STK10: variants seen among roughly 807,000 people sequenced by gnomAD.
STK10 encodes serine/threonine kinase 10, also known as serine/threonine-protein kinase 10.
A neutral mutation model predicts 113.8 loss-of-function variants in STK10; 78 were observed. The ratio of observed to expected loss-of-function variants is 0.69; its 90% confidence interval spans 0.57 to 0.83. The LOEUF (loss-of-function observed/expected upper bound fraction) is 0.83, where lower values mean the gene tolerates loss of function less well. STK10 is among the 40% of genes least tolerant of loss of function. The pLI is 0.00. For synonymous variants in STK10, 465 were observed against 494.7 expected (o/e 0.94, Z 0.80); for missense variants, 1,109 against 1,280.1 (o/e 0.87, Z 2.04).
chr5:172,105,616 C>T lies in STK10; in HGVS notation c.870+40G>A, dbSNP rs778890467. ...AGGTCACTGGTGAGTTCATTAGGCT[C>T]CACCCTTCAGGGAGCAGAGTGGGAG... On this transcript the variant is annotated intron_variant, in intron 7 of 18. Transcript: ENST00000176763. The T allele has an allele frequency of 1.4e-4, 230 of 1,607,630 alleles. No individual in the cohort carries two copies. Among genetic ancestry groups the T allele is most frequent in the Non-Finnish European group, 1.9e-4 (224 of 1,174,930 alleles).
intron 7 of STK10, among the ~76,000 whole-genome samples, chr5:172,103,572 C>A (rs1769039972): frequency 6.6e-6 from 1 of 152,102 alleles, no homozygotes; most frequent in African/African-American, 2.4e-5. Flanking sequence ...GTGACAGCAG[C>A]CCCACTCGAC....
intron 1 of STK10, among the ~76,000 whole-genome samples, chr5:172,174,825 C>T (rs905036499): frequency 1.3e-5 from 2 of 152,136 alleles, no homozygotes; most frequent in Non-Finnish European, 2.9e-5. Context: ...AAAGGAGCTG[C>T]GCTTCCCTCA....
chr5:172,084,488 G>T (rs1195614218), intron 10 of STK10, among the ~76,000 whole-genome samples: 1 of 151,820 alleles, frequency 6.6e-6, no homozygotes, highest in East Asian at 1.9e-4. Flanking sequence ...TTAAAGAATA[G>T]GTCTGTTATG....
chr5:172,081,971 C>A (rs1408307712), intron 12 of STK10, among the ~76,000 whole-genome samples: 2 of 152,196 alleles, frequency 1.3e-5, no homozygotes, highest in South Asian at 2.1e-4. Context: ...CCACCCAGCA[C>A]CCACTCGCCC....
chr5:172,096,696 C>T (rs866590125), intron 7 of STK10, 136 bp from the exon 8 acceptor site: 1 of 1,197,302 alleles, frequency 8.4e-7, no homozygotes, highest in Middle Eastern at 2.2e-4. Flanking sequence ...ACTTGGAGAC[C>T]CAGAGACAGC....
intron 3 of STK10, among the ~76,000 whole-genome samples, chr5:172,122,037 T>C (rs1196427866): frequency 6.6e-6 from 1 of 152,074 alleles, no homozygotes; most frequent in Admixed American, 6.6e-5. Context: ...CTGGCTAATT[T>C]TTGTATTTTT....
Position 172,107,569 on chromosome 5 carries a change from A to G in STK10, c.593+211T>C, listed in dbSNP as rs1293117336. On this transcript the variant is annotated intron_variant, in intron 5 of 18. Coordinates refer to ENST00000176763, the MANE Select transcript of STK10 (RefSeq NM_005990.4). ...ATTTCATTCTCACAGTAGCCTTATT[A>G]AGTAGGGGCCATTATATCCCTAATT... Among the ~76,000 whole-genome samples the G allele has an allele frequency of 2.0e-5, 3 of 152,334 alleles. No individual in the cohort carries two copies. In the South Asian group the frequency reaches 6.2e-4, roughly 32 times the overall value.
chr5:172,068,182 T>C (rs1211228507), intron 12 of STK10, among the ~76,000 whole-genome samples: 2 of 151,728 alleles, frequency 1.3e-5, no homozygotes, highest in Non-Finnish European at 2.9e-5. Context: ...CTACTAAAAA[T>C]ACAAAAAAAT....
At chr5:172,095,409 C>G (rs888585229) in intron 8 of STK10, among the ~76,000 whole-genome samples, 7 of 152,212 alleles carry the variant, frequency 4.6e-5, no homozygotes, top group African/African-American at 1.7e-4. Context: ...CTACCTCCTC[C>G]TGGAGCCAGG....
In STK10 at chr5:172,182,341, C is replaced by G. The variant is rs374012475; in HGVS notation, c.156+5546G>C. Among the ~76,000 whole-genome samples, 1,160 of 140,778 alleles carry G rather than the reference C, an allele frequency of 8.2e-3. 20 individuals carry two copies. The highest frequency in any genetic ancestry group is 0.028 in the African/African-American group (1,085 of 38,732). The allele number at this position is 140,778 out of a possible 152,430, so 92.4% of individuals were successfully genotyped here. ...AAAAAAAAAAAAGGCTTAAAAACAA[C>G]AAAAAATCAAAACCAAAGCAATTTT... On this transcript the variant is annotated intron_variant, in intron 1 of 18. Coordinates refer to ENST00000176763, the MANE Select transcript of STK10 (RefSeq NM_005990.4).
At position 172,082,239 on chromosome 5, in the gene STK10, AAGGTG is replaced by A. The variant is rs1484109770; in HGVS notation, c.1989+82_1989+86del. 7.1e-7 allele frequency: 1 copy of A among 1,404,234 alleles called. No individual in the cohort carries two copies. The highest frequency in any genetic ancestry group is 9.4e-7 in the Non-Finnish European group (1 of 1,067,782). 87.0% of individuals were successfully genotyped at this position (1,404,234 alleles called of 1,614,324 possible). A position where few individuals can be genotyped will look rare whatever the true frequency, so the allele number is the denominator to read the frequency against. ...TCTTCAGCCGTACCCCTCTGCTGCC[AAGGTG>A]AGGTTGAGGCCACGATCACTTGCAA... On this transcript the variant is annotated intron_variant, in intron 12 of 18. Transcript: ENST00000176763. The surrounding 1 kb of genome is among the most constrained non-coding windows in gnomAD (Gnocchi z 4.3).
At chr5:172,101,132 A>G (rs1340927927) in intron 7 of STK10, among the ~76,000 whole-genome samples, 1 of 152,188 alleles carries the variant, frequency 6.6e-6, no homozygotes, top group Non-Finnish European at 1.5e-5. Context: ...TTATAATCGT[A>G]CCTGGCATGA....
At chr5:172,132,465 G>A (rs1043044162) in intron 2 of STK10, among the ~76,000 whole-genome samples, 2 of 151,922 alleles carry the variant, frequency 1.3e-5, no homozygotes, top group African/African-American at 2.4e-5. Flanking sequence ...GTGCCCACCC[G>A]TGATGAAGGT....
chr5:172,063,576 G>A (rs1170225920), intron 13 of STK10: 8 of 152,228 alleles, frequency 5.3e-5, no homozygotes, highest in Non-Finnish European at 1.2e-4. Context: ...GCCTCCTCCA[G>A]GCCAATCTGC....
intron 6 of STK10, 77 bp downstream of exon 6, chr5:172,106,543 C>T: frequency 2.8e-6 from 4 of 1,454,500 alleles, no homozygotes; most frequent in East Asian, 2.5e-5. Flanking sequence ...TGCACCTCCC[C>T]AGCCCCGTCC....
At chr5:172,099,183 C>T (rs1402814375) in intron 7 of STK10, among the ~76,000 whole-genome samples, 1 of 152,164 alleles carries the variant, frequency 6.6e-6, no homozygotes, top group African/African-American at 2.4e-5. Context: ...TCATCACCAT[C>T]ACCATGACCA....
At chr5:172,061,113 C>T in intron 14 of STK10, 26 bp downstream of exon 14, 1 of 1,590,602 alleles carries the variant, frequency 6.3e-7, no homozygotes, top group Non-Finnish European at 8.5e-7. Flanking sequence ...TGGGCCAAGA[C>T]AGCGCTGCCA....
intron 12 of STK10, among the ~76,000 whole-genome samples, chr5:172,073,165 T>A (rs556471150): frequency 2.9e-4 from 44 of 152,116 alleles, no homozygotes; most frequent in African/African-American, 8.4e-4. Context: ...TTATTTATTT[T>A]TTGAGATGAA....
rs77467369 is a variant in STK10, at chr5:172,184,394, A to C, written c.156+3493T>G. ...TTCCTTAGCTGGTGACTAAGGAAAA[A>C]GTGTTCAACTGAAGCCCAGAGCCCT... On this transcript the variant is annotated intron_variant, in intron 1 of 18. Coordinates refer to ENST00000176763, the MANE Select transcript of STK10 (RefSeq NM_005990.4). 8.8e-3 allele frequency among the ~76,000 whole-genome samples: 1,343 copies of C among 152,194 alleles called. 26 individuals are homozygous for C. The highest frequency in any genetic ancestry group is 0.031 in the African/African-American group (1,297 of 41,534).
Sources: gnomAD v4.1 joint callset for allele counts (sites outside exome capture counted in the v4.1 genomes callset) on GRCh38, gnomAD v4.1.1 for gene constraint, Gnocchi (gnomAD v3.1) non-coding constraint, MANE v1.5 for transcripts, NCBI Gene and HGNC (gene_info 2026-07-23, HGNC 2026-07-21) for gene names.